EFNA5: variants seen among roughly 807,000 people sequenced by gnomAD.
The protein encoded by EFNA5 is ephrin A5, also known as ephrin-A5.
A neutral mutation model predicts 22.9 loss-of-function variants in EFNA5; 5 were observed. The ratio of observed to expected loss-of-function variants is 0.22; its 90% CI spans 0.11 to 0.46. The LOEUF is 0.46. EFNA5 is among the 20% of genes least tolerant of loss of function. The pLI is 0.99. For missense variants in EFNA5, 237 were observed against 293.3 expected (o/e 0.81, Z 1.40); for synonymous variants, 113 against 112.2 (o/e 1.01, Z -0.04).
chr5:107,506,064 C>A (rs945185372), intron 1 of EFNA5: 13 of 152,266 alleles, frequency 8.5e-5, no homozygotes, highest in Non-Finnish European at 1.3e-4. Flanking sequence ...AGAAACACTT[C>A]AAGCTCTTGA....
chr5:107,490,442 C>T (rs1039375904), intron 1 of EFNA5, among the ~76,000 whole-genome samples: 1 of 152,118 alleles, frequency 6.6e-6, no homozygotes, highest in African/African-American at 2.4e-5. Flanking sequence ...AACAATTATT[C>T]TATCTCCCTG....
intron 2 of EFNA5, among the ~76,000 whole-genome samples, chr5:107,402,476 C>A (rs978969121): frequency 4.6e-5 from 7 of 152,150 alleles, no homozygotes; most frequent in Admixed American, 1.3e-4. Context: ...CATCATCATG[C>A]CAATTTGCTT....
chr5:107,613,361 A>C (rs1395251576), intron 1 of EFNA5, among the ~76,000 whole-genome samples: 1 of 152,122 alleles, frequency 6.6e-6, no homozygotes, highest in East Asian at 1.9e-4. Context: ...GTTATTAACT[A>C]TAATATGGCC....
chr5:107,542,630 G>A (rs1268534249), intron 1 of EFNA5, among the ~76,000 whole-genome samples: 1 of 152,114 alleles, frequency 6.6e-6, no homozygotes, highest in Non-Finnish European at 1.5e-5. Context: ...TATGATTAAT[G>A]TGTGTACAGG....
chr5:107,592,116 A>C (rs1180497540), intron 1 of EFNA5, among the ~76,000 whole-genome samples: 5 of 129,024 alleles, frequency 3.9e-5, no homozygotes, highest in African/African-American at 9.0e-5. Context: ...TATATATATT[A>C]TATATAGAAT....
At chr5:107,592,784 A>G (rs1458884713) in intron 1 of EFNA5, among the ~76,000 whole-genome samples, 1 of 152,116 alleles carries the variant, frequency 6.6e-6, no homozygotes, top group Non-Finnish European at 1.5e-5. Context: ...AGGTGAAGTG[A>G]AATCTGTGAC....
chr5:107,533,890 A>G (rs1271468717), intron 1 of EFNA5, among the ~76,000 whole-genome samples: 4 of 152,226 alleles, frequency 2.6e-5, no homozygotes, highest in African/African-American at 9.6e-5. Context: ...ATTAGACAAT[A>G]GTCAATGACT....
At chr5:107,642,316 G>C (rs1750543277) in intron 1 of EFNA5, among the ~76,000 whole-genome samples, 1 of 152,096 alleles carries the variant, frequency 6.6e-6, no homozygotes, top group Admixed American at 6.6e-5. Context: ...CAAAATTGCT[G>C]AGAGCAGATT....
At chr5:107,528,991 A>G (rs537757530) in intron 1 of EFNA5, among the ~76,000 whole-genome samples, 13 of 152,278 alleles carry the variant, frequency 8.5e-5, no homozygotes, top group African/African-American at 2.9e-4. Context: ...AATTATGTAT[A>G]TATGTTTGTG....
At chr5:107,630,216 C>G (rs1750220835) in intron 1 of EFNA5, among the ~76,000 whole-genome samples, 1 of 152,134 alleles carries the variant, frequency 6.6e-6, no homozygotes, top group African/African-American at 2.4e-5. Context: ...AAACTATAGT[C>G]TGTTTAATAA....
At chr5:107,422,322 G>A (rs1477761689) in intron 2 of EFNA5, among the ~76,000 whole-genome samples, 4 of 152,194 alleles carry the variant, frequency 2.6e-5, no homozygotes, top group Non-Finnish European at 4.4e-5. Flanking sequence ...GCCAAGCAAT[G>A]TAATACAGGG....
intron 1 of EFNA5, among the ~76,000 whole-genome samples, chr5:107,669,746 G>A (rs1173276167): frequency 6.6e-6 from 1 of 152,058 alleles, no homozygotes; most frequent in African/African-American, 2.4e-5. Flanking sequence ...CTCCTGGCTC[G>A]GCCAACTCTG....
intron 1 of EFNA5, among the ~76,000 whole-genome samples, chr5:107,588,643 T>C (rs760549830): frequency 3.3e-5 from 5 of 152,360 alleles, no homozygotes; most frequent in Non-Finnish European, 5.9e-5. Context: ...CAGGTAGCAT[T>C]ACAATCTTGA....
At chr5:107,427,045 A>T in intron 2 of EFNA5, 172 bp downstream of exon 2, 1 of 689,946 alleles carries the variant, frequency 1.4e-6, no homozygotes, top group Non-Finnish European at 2.4e-6. Context: ...TCTTTAATCT[A>T]ATTTGTGCTC....
At chr5:107,563,426 G>GTTA (rs568174251) in intron 1 of EFNA5, among the ~76,000 whole-genome samples, 114 of 151,890 alleles carry the variant, frequency 7.5e-4, no homozygotes, top group African/African-American at 2.1e-3. Context: ...ATTTTTAAAA[G>GTTA]TTATTATTAT....
intron 1 of EFNA5, among the ~76,000 whole-genome samples, chr5:107,606,519 G>C (rs1749727712): frequency 7.1e-6 from 1 of 140,684 alleles, no homozygotes; most frequent in African/African-American, 2.7e-5. Context: ...CCAAATCATA[G>C]ACACACACTT....
rs769384079 is a variant in EFNA5 at position 107,381,387 on chromosome 5, AG to A, written c.566-12del. On this transcript the variant is annotated splice_polypyrimidine_tract_variant and intron_variant, in intron 4 of 4. Transcript: ENST00000333274. ...CATGTACGGTGTCATCTGTTCAAAT[AG>A]AAAGCACACATTCCAATGAGATTTC... 6.0e-5 allele frequency: 96 copies of A among 1,602,334 alleles called. No individual in the cohort carries two copies. In the Middle Eastern group the frequency reaches 8.3e-4, roughly 14 times the overall value.
At chr5:107,490,287 G>C (rs140283207) in intron 1 of EFNA5, among the ~76,000 whole-genome samples, 57 of 152,136 alleles carry the variant, frequency 3.7e-4, no homozygotes, top group African/African-American at 1.3e-3. Context: ...TTAGTGACCT[G>C]ATCTTCCTAT....
At chr5:107,460,961 T>C (rs1749822884) in intron 1 of EFNA5, among the ~76,000 whole-genome samples, 1 of 152,092 alleles carries the variant, frequency 6.6e-6, no homozygotes, top group South Asian at 2.1e-4. Flanking sequence ...ATCATGCAAA[T>C]ACGGTGGGTG....
Sources: gnomAD v4.1 joint callset for allele counts (sites outside exome capture counted in the v4.1 genomes callset) on GRCh38, gnomAD v4.1.1 for gene constraint, MANE v1.5 for transcripts, NCBI Gene and HGNC (gene_info 2026-07-23, HGNC 2026-07-21) for gene names.